Variants in ANKRD30A observed in about 807,000 individuals in gnomAD.
ANKRD30A encodes ankyrin repeat domain-containing protein 30A.
A neutral mutation model predicts 166.3 loss-of-function variants in ANKRD30A; 170 were observed. That is an observed-to-expected ratio of 1.02 (90% confidence interval 0.90 to 1.16). The LOEUF (loss-of-function observed/expected upper bound fraction) is 1.16, where lower values mean the gene tolerates loss of function less well. Among genes scored for constraint, ANKRD30A ranks in the 50% most tolerant of loss-of-function variants. ANKRD30A has a pLI of 0.00. For synonymous variants in ANKRD30A, 564 were observed against 508.9 expected, an observed-to-expected ratio of 1.11 and a Z score of -1.46; for missense variants, 1,630 against 1,518.0, an observed-to-expected ratio of 1.07 and a Z score of -1.23.
chr10:37,150,078 C>G (rs753674255), intron 11 of ANKRD30A, among the ~76,000 whole-genome samples: 1 of 151,932 alleles, frequency 6.6e-6, no homozygotes, highest in South Asian at 2.1e-4. Context: ...TTTTGTATCC[C>G]GAAACTGTAA....
chr10:37,144,097 A>G (rs539932246), intron 7 of ANKRD30A, among the ~76,000 whole-genome samples: 2 of 152,142 alleles, frequency 1.3e-5, no homozygotes, highest in Non-Finnish European at 2.9e-5. Context: ...CTTAAAAATA[A>G]CCGTAGTAAT....
chr10:37,200,347 T>C (rs147675058), intron 30 of ANKRD30A, among the ~76,000 whole-genome samples: 1 of 152,086 alleles, frequency 6.6e-6, no homozygotes, highest in East Asian at 1.9e-4. Context: ...ATTGGTTGAG[T>C]AGTCTTTTGA....
rs777208649 is a variant in ANKRD30A at position 37,219,427 on chromosome 10, G to T, written c.3715G>T (p.Val1239Leu). The change falls in exon 34 of 36, where the codon GTG (valine) becomes TTG (leucine). Residue 1239 changes from valine (V) to leucine (L), a missense_variant. Physicochemically the swap from Val to Leu is conservative, Grantham distance 32. Around this residue, in one of 4 missense-constraint regions of ANKRD30A, gnomAD observed 712 missense variants for 629.3 expected, o/e 1.13. Coordinates refer to ENST00000361713, the MANE Select transcript of ANKRD30A (RefSeq NM_052997.3). The stretch of plus-strand genomic sequence containing the variant: ...TTTGCAAAGAAAAATGAATGTTGAT[G>T]TGAGTAGTACGATATATAACAATGA... ...ACLQRKMNVD[V>L]SSTIYNNEVL... 1 of 1,610,438 alleles carries T rather than the reference G, an allele frequency of 6.2e-7. No homozygotes were observed. The highest frequency in any genetic ancestry group is 1.3e-5 in the African/African-American group (1 of 74,752).
the ANKRD30A span, among the ~76,000 whole-genome samples, chr10:37,263,372 A>G: frequency 6.6e-6 from 1 of 151,936 alleles, no homozygotes; most frequent in Non-Finnish European, 1.5e-5. Context: ...ATTCAAGAAC[A>G]TTACGTTTAT....
At chr10:37,252,161 C>T in the ANKRD30A span, among the ~76,000 whole-genome samples, 1 of 152,072 alleles carries the variant, frequency 6.6e-6, no homozygotes, top group Admixed American at 6.6e-5. Context: ...GATTGTTCTT[C>T]TTGAAATTTT....
At chr10:37,132,765 A>C (rs1278473606) in intron 4 of ANKRD30A, among the ~76,000 whole-genome samples, 1 of 152,192 alleles carries the variant, frequency 6.6e-6, no homozygotes, top group African/African-American at 2.4e-5. Context: ...TGGGAGGCCA[A>C]GGTGGTTGGA....
chr10:37,126,661 C>T (rs1836038700), intron 1 of ANKRD30A, among the ~76,000 whole-genome samples: 1 of 152,136 alleles, frequency 6.6e-6, no homozygotes, highest in Non-Finnish European at 1.5e-5. Flanking sequence ...TTAAATTACA[C>T]AGGCTGTCTT....
At chr10:37,223,798 A>G (rs970664631) in intron 34 of ANKRD30A, among the ~76,000 whole-genome samples, 2 of 151,384 alleles carry the variant, frequency 1.3e-5, no homozygotes, top group Middle Eastern at 3.5e-3. Flanking sequence ...TAGATTTTTA[A>G]TAATAATTAA....
chr10:37,192,372 G>A (rs987144873), intron 25 of ANKRD30A, among the ~76,000 whole-genome samples: 1 of 152,000 alleles, frequency 6.6e-6, no homozygotes, highest in Non-Finnish European at 1.5e-5. Context: ...GGTATGCTTG[G>A]ACCTTTTTGT....
chr10:37,250,248 T>G, the ANKRD30A span, among the ~76,000 whole-genome samples: 2 of 151,984 alleles, frequency 1.3e-5, no homozygotes, highest in Admixed American at 6.6e-5. Flanking sequence ...TTTAGTAAGT[T>G]CAGGAGAATC....
rs769647652 is a variant in ANKRD30A at position 37,158,532 on chromosome 10, G to A, written c.1846G>A (p.Val616Ile). Reference sequence around the variant, plus strand: ...CATTTAGGCTACCTGCGGAATGAAAGTTTCTATTCCAACTAAAGCCTTAGA... The same window carrying A: ...CATTTAGGCTACCTGCGGAATGAAAATTTCTATTCCAACTAAAGCCTTAGA... ...GLLKATCGMK[V>I]SIPTKALELK... The change falls in exon 15 of 36, where the codon GTT (valine) becomes ATT (isoleucine). Residue 616 changes from valine (V) to isoleucine (I), a missense_variant. Val to Ile is a conservative substitution (Grantham distance 29). Transcript: ENST00000361713. The A allele has an allele frequency of 2.5e-6, 4 of 1,613,480 alleles. No individual in the cohort carries two copies. Among genetic ancestry groups the A allele is most frequent in the Non-Finnish European group, 1.7e-6 (2 of 1,179,696 alleles).
At chr10:37,243,105 GT>G in the ANKRD30A span, among the ~76,000 whole-genome samples, 1 of 149,116 alleles carries the variant, frequency 6.7e-6, no homozygotes, top group Non-Finnish European at 1.5e-5. Context: ...TTCATCTACA[GT>G]TTTTTTCAAA....
At chr10:37,197,529 C>T (rs1348032697) in intron 29 of ANKRD30A, 49 bp downstream of exon 29, 4 of 1,609,274 alleles carry the variant, frequency 2.5e-6, no homozygotes, top group East Asian at 2.2e-5. Context: ...CAATATTGAA[C>T]ATTTTGATGG....
chr10:37,130,364 G>A lies in ANKRD30A; in HGVS notation c.496G>A (p.Glu166Lys), dbSNP rs116939015. Residue 166 changes from glutamate to lysine, a missense_variant, in exon 3 of 36, where the codon GAA (glutamate) becomes AAA (lysine). This residue lies in a region of ANKRD30A where 904 missense variants were observed against 818.5 expected (regional missense o/e 1.10). Coordinates refer to ENST00000361713, the MANE Select transcript of ANKRD30A (RefSeq NM_052997.3). ...ACTGCTGTCCCATGGTGCAGTCATC[G>A]AAGTGCACAACAAGGTAGACACTAA... Reference protein sequence around the residue: ...AKLLSHGAVIEVHNKASLTPL... With the variant: ...AKLLSHGAVIKVHNKASLTPL... 11 of 1,516,404 alleles carry A rather than the reference G, an allele frequency of 7.3e-6. No homozygotes were observed. The highest frequency in any genetic ancestry group is 4.0e-5 in the South Asian group (3 of 74,656). The allele number at this position is 1,516,404 out of a possible 1,614,324, so 93.9% of individuals were successfully genotyped here.
chr10:37,208,653 C>T (rs2132713351), intron 31 of ANKRD30A, among the ~76,000 whole-genome samples: 1 of 152,194 alleles, frequency 6.6e-6, no homozygotes, highest in Admixed American at 6.5e-5. Flanking sequence ...TTTGGGAAAA[C>T]CACCATACTA....
the ANKRD30A span, among the ~76,000 whole-genome samples, chr10:37,259,727 G>A: frequency 6.6e-5 from 10 of 152,282 alleles, no homozygotes; most frequent in Middle Eastern, 3.4e-3. Context: ...TTAGACAAAT[G>A]TAGCCAAACC....
intron 34 of ANKRD30A, among the ~76,000 whole-genome samples, chr10:37,226,182 G>T (rs1843141113): frequency 6.6e-6 from 1 of 151,116 alleles, no homozygotes; most frequent in African/African-American, 2.4e-5. Context: ...ATGTATACAT[G>T]TGCCATGTTG....
In ANKRD30A at chr10:37,144,048, GTTATT is replaced by G. The variant is rs1837341826; in HGVS notation, c.1394-939_1394-935del. On this transcript the variant is annotated intron_variant, in intron 7 of 35. Coordinates refer to ENST00000361713, the MANE Select transcript of ANKRD30A (RefSeq NM_052997.3). The stretch of plus-strand genomic sequence containing the variant: ...TTAAATACGTAGGTCTTTCTTTGCC[GTTATT>G]TTATTTTGATTTCTTTTACTGAATT... Among the ~76,000 whole-genome samples, 4 of 151,774 alleles carry G rather than the reference GTTATT, an allele frequency of 2.6e-5. No homozygotes were observed. The South Asian group carries it at 6.3e-4, about 24-fold the overall frequency.
chr10:37,144,660 G>A (rs910389954), intron 7 of ANKRD30A, among the ~76,000 whole-genome samples: 1 of 152,090 alleles, frequency 6.6e-6, no homozygotes, highest in African/African-American at 2.4e-5. Context: ...AGAGCTGACA[G>A]GTAATTAAAG....
Sources: gnomAD v4.1 joint callset for allele counts (sites outside exome capture counted in the v4.1 genomes callset) on GRCh38, gnomAD v4.1.1 for gene constraint, gnomAD v4.1.1 regional missense constraint, MANE v1.5 for transcripts, NCBI Gene and HGNC (gene_info 2026-07-23, HGNC 2026-07-21) for gene names.